Variants in DMRT3 observed in about 807,000 individuals in gnomAD.
DMRT3 encodes doublesex and mab-3 related transcription factor 3.
A neutral mutation model predicts 34.9 loss-of-function variants in DMRT3; 29 were observed. That is an observed-to-expected ratio of 0.83 (90% confidence interval 0.62 to 1.13). DMRT3 has a LOEUF of 1.13. Among genes scored for constraint, DMRT3 ranks in the 50% most tolerant of loss-of-function variants. The probability of loss-of-function intolerance (pLI) is 0.00; values close to 1 mark genes in which losing one functional copy is unlikely to be tolerated. For synonymous variants in DMRT3, 350 were observed against 286.0 expected, an observed-to-expected ratio of 1.22 and a Z score of -2.26; for missense variants, 772 against 629.1, an observed-to-expected ratio of 1.23 and a Z score of -2.43.
At position 976,814 on chromosome 9, in the gene DMRT3, G is replaced by A; in HGVS notation, c.-188G>A. ...TGAGCTGGGAGGCCGAGCTGTGAGC[G>A]CGAAGGGAGCTGGAGAGACGACTGC... is the stretch of plus-strand genomic sequence containing the variant. On this transcript the variant is annotated 5_prime_UTR_variant, in exon 1 of 2. Coordinates refer to ENST00000190165, the MANE Select transcript of DMRT3 (RefSeq NM_021240.4). The surrounding 1 kb of genome is among the most constrained non-coding windows in gnomAD (Gnocchi z 4.5). 6.3e-6 allele frequency: 3 copies of A among 477,252 alleles called. No individual in the cohort carries two copies. The highest frequency in any genetic ancestry group is 1.0e-5 in the Non-Finnish European group (3 of 296,686). 29.6% of individuals were successfully genotyped at this position (477,252 alleles called of 1,614,324 possible). A position where few individuals can be genotyped will look rare whatever the true frequency, so the allele number is the denominator to read the frequency against.
chr9:984,327 G>A (rs1454070400), intron 1 of DMRT3, among the ~76,000 whole-genome samples: 1 of 152,184 alleles, frequency 6.6e-6, no homozygotes, highest in Non-Finnish European at 1.5e-5. Context: ...TGACTTTTGA[G>A]CTAGGAAATA....
At chr9:979,695 A>G (rs1270852242) in intron 1 of DMRT3, among the ~76,000 whole-genome samples, 1 of 152,186 alleles carries the variant, frequency 6.6e-6, no homozygotes, top group African/African-American at 2.4e-5. Flanking sequence ...CAGGCATACA[A>G]GTGGATCCAT....
At chr9:984,607 C>T (rs1820260773) in intron 1 of DMRT3, among the ~76,000 whole-genome samples, 1 of 152,060 alleles carries the variant, frequency 6.6e-6, no homozygotes, top group Admixed American at 6.5e-5. Context: ...CAGGCACCTG[C>T]CACCATGCTC....
At chr9:982,351 T>C (rs1313921584) in intron 1 of DMRT3, among the ~76,000 whole-genome samples, 1 of 152,244 alleles carries the variant, frequency 6.6e-6, no homozygotes, top group Non-Finnish European at 1.5e-5. Context: ...AGAGTTCTAC[T>C]GCCATCTGGG....
rs1485340580 is a variant in DMRT3 at position 991,357 on chromosome 9, A to G, written c.*352A>G. The G allele has an allele frequency of 5.5e-6, 1 of 180,224 alleles. No homozygotes were observed. The highest frequency in any genetic ancestry group is 1.2e-5 in the Non-Finnish European group (1 of 86,362). The allele number at this position is 180,224 out of a possible 1,614,324, so 11.2% of individuals were successfully genotyped here. On this transcript the variant is annotated 3_prime_UTR_variant, in exon 2 of 2. Transcript: ENST00000190165. ...AACCTGGAATGTTAAATGAAATAAT[A>G]TACTTGAATGCAATTTTGTAAAAGT...
chr9:988,811 C>T (rs1431035662), intron 1 of DMRT3, among the ~76,000 whole-genome samples: 1 of 152,086 alleles, frequency 6.6e-6, no homozygotes, highest in Non-Finnish European at 1.5e-5. Context: ...TTTCATCTTT[C>T]GATCAGCTAC....
At chr9:990,008 G>A (rs1197821649) in intron 1 of DMRT3, 33 bp from the exon 2 acceptor site, 1 of 1,608,584 alleles carries the variant, frequency 6.2e-7, no homozygotes, top group Admixed American at 1.7e-5. Flanking sequence ...ATGCACACCA[G>A]GAAAAGATTA....
At position 990,919 on chromosome 9, in the gene DMRT3, G is replaced by A. The variant is rs774532466; in HGVS notation, c.1333G>A (p.Val445Met). The A allele has an allele frequency of 1.9e-6, 3 of 1,614,112 alleles. No homozygotes were observed. Among genetic ancestry groups the A allele is most frequent in the Non-Finnish European group, 8.5e-7 (1 of 1,180,028 alleles). ...ISIPDDGCPF[V>M]SKQSIYTEDD... The stretch of plus-strand genomic sequence containing the variant: ...CATCCCTGATGATGGGTGTCCATTT[G>A]TGTCAAAGCAGTCCATTTACACCGA... The change falls in exon 2 of 2, where the codon GTG becomes ATG. Residue 445 changes from valine (V) to methionine (M), a missense_variant. Transcript: ENST00000190165.
At chr9:986,243 T>C (rs145995433) in intron 1 of DMRT3, among the ~76,000 whole-genome samples, 1 of 152,222 alleles carries the variant, frequency 6.6e-6, no homozygotes, top group East Asian at 1.9e-4. Context: ...CTTAGGAAAA[T>C]AGGTACAAGA....
At chr9:984,458 C>CTTTTTTTTTTTTTTTT (rs541965005) in intron 1 of DMRT3, among the ~76,000 whole-genome samples, 1 of 147,248 alleles carries the variant, frequency 6.8e-6, no homozygotes. Flanking sequence ...AGATTTTTCA[C>CTTTTTTTTTTTTTTTT]ATTTTTTTTT....
Position 977,028 on chromosome 9 carries a change from G to A in DMRT3, c.27G>A (p.Leu9=). MNGYGSPY[L]YMGGPVSQPP... ...TGAACGGCTACGGCTCCCCCTACCT[G>A]TACATGGGCGGCCCGGTGTCGCAGC... Residue 9 remains leucine, a synonymous_variant, in exon 1 of 2, where the codon CTG becomes CTA. Transcript: ENST00000190165. 2 of 1,558,086 alleles carry A rather than the reference G, an allele frequency of 1.3e-6. No individual in the cohort carries two copies. Among genetic ancestry groups the A allele is most frequent in the Non-Finnish European group, 1.7e-6 (2 of 1,153,854 alleles).
chr9:987,412 CTGTGTGTGTGTGTGTG>C lies in DMRT3; in HGVS notation c.455-2599_455-2584del, dbSNP rs6150885. ...CTTTTTAAGGCTGAATAATATCCCACTGTGTGTGTGTGTGTGTGTGTGTGTGTGTGTGTGTGTGTGT... is the reference window on the plus strand; with the variant it reads ...CTTTTTAAGGCTGAATAATATCCCACTGTGTGTGTGTGTGTGTGTGTGTGT... On this transcript the variant is annotated intron_variant, in intron 1 of 1. Coordinates refer to ENST00000190165, the MANE Select transcript of DMRT3 (RefSeq NM_021240.4). Among the ~76,000 whole-genome samples, 569 of 149,022 alleles carry C rather than the reference CTGTGTGTGTGTGTGTG, an allele frequency of 3.8e-3. 2 individuals are homozygous for C. The highest frequency in any genetic ancestry group is 7.0e-3 in the Middle Eastern group (2 of 284).
chr9:979,843 A>T (rs1436573278), intron 1 of DMRT3, among the ~76,000 whole-genome samples: 1 of 152,230 alleles, frequency 6.6e-6, no homozygotes, highest in Admixed American at 6.5e-5. Context: ...AACATTCCAT[A>T]TGTATTTAGA....
At position 977,184 on chromosome 9, in the gene DMRT3, C is replaced by A. The variant is rs1185402179; in HGVS notation, c.183C>A (p.Ile61=). ...KDCTCEKCIL[I]IERQRVMAAQ... Reference sequence around the variant, plus strand: ...GCACCTGCGAGAAGTGCATCCTCATCATCGAGCGGCAGCGGGTCATGGCTG... The same window carrying A: ...GCACCTGCGAGAAGTGCATCCTCATAATCGAGCGGCAGCGGGTCATGGCTG... Residue 61 remains isoleucine, a synonymous_variant, in exon 1 of 2, where the codon ATC becomes ATA. Coordinates refer to ENST00000190165, the MANE Select transcript of DMRT3 (RefSeq NM_021240.4). 1.4e-5 allele frequency: 22 copies of A among 1,610,194 alleles called. No individual in the cohort carries two copies. Among genetic ancestry groups the A allele is most frequent in the Non-Finnish European group, 1.8e-5 (21 of 1,178,638 alleles).
intron 1 of DMRT3, among the ~76,000 whole-genome samples, chr9:979,579 C>T (rs1820191497): frequency 6.6e-6 from 1 of 152,128 alleles, no homozygotes; most frequent in Non-Finnish European, 1.5e-5. Context: ...TCTTCTTTCA[C>T]TTGCTGTGAC....
rs780713887 is a variant in DMRT3, at chr9:977,279, C to G, written c.278C>G (p.Ala93Gly). Residue 93 changes from alanine to glycine, a missense_variant, in exon 1 of 2, where the codon GCT becomes GGT. Physicochemically the swap from Ala to Gly is moderately conservative, Grantham distance 60. Transcript: ENST00000190165. ...AGCCTCATCCCCGACTCGCTGCGCG[C>G]TCTGCCAGGGCCCCCGCCGCCGGGG... is the stretch of plus-strand genomic sequence containing the variant. The part of the protein sequence containing the change: ...LESLIPDSLR[A>G]LPGPPPPGDA... The G allele has an allele frequency of 1.3e-6, 2 of 1,510,546 alleles. No homozygotes were observed. Among genetic ancestry groups the G allele is most frequent in the Non-Finnish European group, 1.8e-6 (2 of 1,124,290 alleles). 93.6% of individuals were successfully genotyped at this position (1,510,546 alleles called of 1,614,324 possible). A position where few individuals can be genotyped will look rare whatever the true frequency, so the allele number is the denominator to read the frequency against.
chr9:988,403 G>A (rs1211690134), intron 1 of DMRT3, among the ~76,000 whole-genome samples: 1 of 152,154 alleles, frequency 6.6e-6, no homozygotes, highest in Non-Finnish European at 1.5e-5. Context: ...TTTGTTAAAG[G>A]CCAAAGTTTT....
intron 1 of DMRT3, among the ~76,000 whole-genome samples, chr9:989,395 C>G (rs2130074360): frequency 6.6e-6 from 1 of 152,308 alleles, no homozygotes; most frequent in East Asian, 1.9e-4. Context: ...TATTGGCAAC[C>G]AAGTTTGCCA....
chr9:979,530 C>G (rs564708726), intron 1 of DMRT3, among the ~76,000 whole-genome samples: 2 of 152,270 alleles, frequency 1.3e-5, no homozygotes, highest in Admixed American at 1.3e-4. Context: ...CACCCCCACC[C>G]CCCCATACCT....
Sources: allele counts gnomAD v4.1 joint callset (sites outside exome capture counted in the v4.1 genomes callset), GRCh38; gene constraint gnomAD v4.1.1; non-coding constraint Gnocchi (gnomAD v3.1); transcripts MANE v1.5; gene names NCBI Gene and HGNC (gene_info 2026-07-23, HGNC 2026-07-21).